MEP1B: variants seen among roughly 807,000 people sequenced by gnomAD.
The protein encoded by MEP1B is meprin A subunit beta, also known as N-benzoyl-L-tyrosyl-P-amino-benzoic acid hydrolase subunit beta.
In MEP1B, 80 loss-of-function variants were observed where a neutral mutation model predicts 84.6. That is an observed-to-expected ratio of 0.95 (90% CI 0.79 to 1.14). The LOEUF (loss-of-function observed/expected upper bound fraction) is 1.14. Among genes scored for constraint, MEP1B ranks in the 50% most tolerant of loss-of-function variants. The probability of loss-of-function intolerance (pLI) is 0.00; values close to 1 mark genes in which losing one functional copy is unlikely to be tolerated. For synonymous variants in MEP1B, 273 were observed against 288.1 expected (o/e 0.95, Z 0.53); for missense variants, 766 against 855.1 (o/e 0.90, Z 1.30).
chr18:32,192,662 G>A lies in MEP1B; in HGVS notation c.99G>A (p.Met33Ile), dbSNP rs2040813685. ...TAATCAAAGATGTAGATGGCGGAAT[G>A]GACCAGGACATATTTGATATCAATG... ...TPENFDVDGG[M>I]DQDIFDINEG... Residue 33 changes from methionine (M) to isoleucine (I), a missense_variant, in exon 3 of 15, where the codon ATG becomes ATA. Met to Ile is a conservative substitution (Grantham distance 10). Coordinates refer to ENST00000269202, the MANE Select transcript of MEP1B (RefSeq NM_005925.3). 6.2e-7 allele frequency: 1 copy of A among 1,613,086 alleles called. No homozygotes were observed. The highest frequency in any genetic ancestry group is 1.1e-5 in the South Asian group (1 of 91,030).
chr18:32,206,462 C>T (rs997876238), intron 7 of MEP1B, among the ~76,000 whole-genome samples: 2 of 147,408 alleles, frequency 1.4e-5, no homozygotes, highest in Admixed American at 1.4e-4. Flanking sequence ...CAGAGTCTTA[C>T]TTTGTCACCC....
intron 9 of MEP1B, among the ~76,000 whole-genome samples, chr18:32,209,182 T>C (rs1487120373): frequency 6.6e-6 from 1 of 152,198 alleles, no homozygotes; most frequent in East Asian, 1.9e-4. Flanking sequence ...AAGCGAATAC[T>C]TGAAATAAGG....
At chr18:32,209,367 G>C (rs35117504) in intron 9 of MEP1B, among the ~76,000 whole-genome samples, 28,818 of 151,884 alleles carry the variant, frequency 0.19, 2,966 homozygotes, top group Non-Finnish European at 0.23. Context: ...CATGTCTGTA[G>C]TCCCAGCTAG....
chr18:32,218,825 A>G (rs2041121169), intron 14 of MEP1B, among the ~76,000 whole-genome samples: 1 of 152,150 alleles, frequency 6.6e-6, no homozygotes. Context: ...GGGCAAGGCA[A>G]CGGCCTTTGG....
At position 32,215,969 on chromosome 18, in the gene MEP1B, CATATATAT is replaced by C. The variant is rs10522884; in HGVS notation, c.1759+751_1759+758del. On this transcript the variant is annotated intron_variant, in intron 12 of 14. Transcript: ENST00000269202. The stretch of plus-strand genomic sequence containing the variant: ...ATGTACATACATGCATACATATATG[CATATATAT>C]ATATATATATATATATATATATATA... Among the ~76,000 whole-genome samples, 1,114 of 134,262 alleles carry C rather than the reference CATATATAT, an allele frequency of 8.3e-3. 4 individuals carry two copies. Among genetic ancestry groups the C allele is most frequent in the Middle Eastern group, 0.015 (4 of 264 alleles). The allele number at this position is 134,262 out of a possible 152,430, so 88.1% of individuals were successfully genotyped here. A position where few individuals can be genotyped will look rare whatever the true frequency, so the allele number is the denominator to read the frequency against.
Position 32,196,413 on chromosome 18 carries a change from G to T in MEP1B, c.250+928G>T. Reference sequence around the variant, plus strand: ...TCTCCTTGGTCTTCTCCTGGTCCTCGCCCAGCTGGGTCTTACAGAGGGTGT... The same window carrying T: ...TCTCCTTGGTCTTCTCCTGGTCCTCTCCCAGCTGGGTCTTACAGAGGGTGT... On this transcript the variant is annotated intron_variant, in intron 5 of 14. Coordinates refer to ENST00000269202, the MANE Select transcript of MEP1B (RefSeq NM_005925.3). The surrounding 1 kb of genome is among the most constrained non-coding windows in gnomAD (Gnocchi z 4.4). The T allele has an allele frequency of 1.4e-6, 1 of 695,598 alleles. No individual in the cohort carries two copies. The allele number at this position is 695,598 out of a possible 1,614,324, so 43.1% of individuals were successfully genotyped here. A position where few individuals can be genotyped will look rare whatever the true frequency, so the allele number is the denominator to read the frequency against.
At chr18:32,212,891 G>C (rs2041042272) in intron 10 of MEP1B, among the ~76,000 whole-genome samples, 1 of 152,132 alleles carries the variant, frequency 6.6e-6, no homozygotes, top group Non-Finnish European at 1.5e-5. Context: ...ATCTATTTGA[G>C]AAACAGCTAG....
At chr18:32,207,670 A>G (rs1371263796) in intron 8 of MEP1B, among the ~76,000 whole-genome samples, 200 bp downstream of exon 8, 1 of 152,250 alleles carries the variant, frequency 6.6e-6, no homozygotes, top group African/African-American at 2.4e-5. Context: ...TCTGGTGTTG[A>G]GATCTAAAAA....
intron 14 of MEP1B, among the ~76,000 whole-genome samples, 176 bp from the exon 15 acceptor site, chr18:32,220,055 G>A (rs1430835977): frequency 2.6e-5 from 4 of 152,154 alleles, no homozygotes; most frequent in African/African-American, 7.2e-5. Context: ...ATGTGGGCCC[G>A]AAAAGCCAGG....
rs185711539 is a variant in MEP1B, at chr18:32,211,688, G to A, written c.1135+972G>A. Among the ~76,000 whole-genome samples, 91 of 152,276 alleles carry A rather than the reference G, an allele frequency of 6.0e-4. 2 individuals are homozygous for A. In the East Asian group the frequency reaches 0.016, roughly 27 times the overall value. On this transcript the variant is annotated intron_variant, in intron 10 of 14. Transcript: ENST00000269202. ...TACCCACCCTTCATACCAATAATGT[G>A]TCAGAGAGGAGAGCCATGTTGACCA...
At position 32,203,027 on chromosome 18, in the gene MEP1B, G is replaced by A. The variant is rs1316846230; in HGVS notation, c.368+17G>A. On this transcript the variant is annotated intron_variant, in intron 6 of 14. Transcript: ENST00000269202. Reference sequence around the variant, plus strand: ...GGGCAGTGGGTAAGTTGCAGACTTAGTCTTCTAAGGCATCTAAGGAGAACT... The same window carrying A: ...GGGCAGTGGGTAAGTTGCAGACTTAATCTTCTAAGGCATCTAAGGAGAACT... The A allele has an allele frequency of 1.4e-6, 2 of 1,428,250 alleles. No homozygotes were observed. Among genetic ancestry groups the A allele is most frequent in the Non-Finnish European group, 2.0e-6 (2 of 1,018,500 alleles). 88.5% of individuals were successfully genotyped at this position (1,428,250 alleles called of 1,614,324 possible). A position where few individuals can be genotyped will look rare whatever the true frequency, so the allele number is the denominator to read the frequency against.
intron 11 of MEP1B, 151 bp from the exon 12 acceptor site, chr18:32,214,931 G>A: frequency 1.6e-6 from 1 of 611,584 alleles, no homozygotes; most frequent in Non-Finnish European, 2.8e-6. Flanking sequence ...ACAAGCCCCA[G>A]TGATTTGCCA....
In MEP1B at chr18:32,208,157, C is replaced by T; in HGVS notation, c.805C>T (p.Leu269=). 2.5e-6 allele frequency: 4 copies of T among 1,613,856 alleles called. No individual in the cohort carries two copies. The highest frequency in any genetic ancestry group is 3.4e-6 in the Non-Finnish European group (4 of 1,179,844). The change falls in exon 9 of 15, where the codon CTG becomes TTG. Residue 269 remains leucine (L), a synonymous_variant. Transcript: ENST00000269202. ...LSFMDSCSFE[L]ENVCGMIQSS... ...TTTTATGGACTCGTGCAGTTTTGAA[C>T]TGGAAAATGTGTGTGGCATGATCCA... is the stretch of plus-strand genomic sequence containing the variant.
In MEP1B at chr18:32,196,294, G is replaced by A. The variant is rs576590988; in HGVS notation, c.250+809G>A. 34 of 706,558 alleles carry A rather than the reference G, an allele frequency of 4.8e-5. No individual in the cohort carries two copies. Among genetic ancestry groups the A allele is most frequent in the South Asian group, 7.4e-5 (5 of 67,664 alleles). The allele number at this position is 706,558 out of a possible 1,614,324, so 43.8% of individuals were successfully genotyped here. ...GCTGGGGGCTGTGAAGTTGAGGGGCGGGATGTTGTTGCTGGAGCCGTTGCG... is the reference window on the plus strand; with the variant it reads ...GCTGGGGGCTGTGAAGTTGAGGGGCAGGATGTTGTTGCTGGAGCCGTTGCG... On this transcript the variant is annotated intron_variant, in intron 5 of 14. Transcript: ENST00000269202. The surrounding 1 kb of genome is among the most constrained non-coding windows in gnomAD (Gnocchi z 4.4).
chr18:32,209,434 C>G (rs1470139601), intron 9 of MEP1B, among the ~76,000 whole-genome samples: 1 of 149,384 alleles, frequency 6.7e-6, no homozygotes, highest in Non-Finnish European at 1.5e-5. Flanking sequence ...TTGTAGTGAG[C>G]TGAGATCATA....
At chr18:32,199,495 C>T (rs920160104) in intron 5 of MEP1B, among the ~76,000 whole-genome samples, 8 of 149,950 alleles carry the variant, frequency 5.3e-5, no homozygotes, top group South Asian at 4.2e-4. Context: ...GAGTAGTTAG[C>T]GGGGTTGGAA....
intron 14 of MEP1B, among the ~76,000 whole-genome samples, chr18:32,219,810 G>GCACA (rs34525566): frequency 0.23 from 34,319 of 149,154 alleles, 4,133 homozygotes; most frequent in Non-Finnish European, 0.28. Flanking sequence ...AAACACACAT[G>GCACA]CACACACACA....
intron 13 of MEP1B, among the ~76,000 whole-genome samples, 180 bp from the exon 14 acceptor site, chr18:32,217,581 A>G (rs1456374487): frequency 6.6e-6 from 1 of 151,800 alleles, no homozygotes; most frequent in Non-Finnish European, 1.5e-5. Flanking sequence ...TTTTCTTTCC[A>G]TTGTTTATAC....
At chr18:32,203,359 C>T (rs1285191306) in intron 6 of MEP1B, among the ~76,000 whole-genome samples, 1 of 152,094 alleles carries the variant, frequency 6.6e-6, no homozygotes, top group Non-Finnish European at 1.5e-5. Flanking sequence ...TTATTTTAAC[C>T]TAACCACTCT....
Sources: allele counts gnomAD v4.1 joint callset (sites outside exome capture counted in the v4.1 genomes callset), GRCh38; gene constraint gnomAD v4.1.1; non-coding constraint Gnocchi (gnomAD v3.1); transcripts MANE v1.5; gene names NCBI Gene and HGNC (gene_info 2026-07-23, HGNC 2026-07-21).